Variants in ABLIM1 observed in about 807,000 individuals in gnomAD.
The protein encoded by ABLIM1 is actin binding LIM protein 1.
ABLIM1 carries 40 observed loss-of-function variants against 107.0 expected under a neutral mutation model. The ratio of observed to expected loss-of-function variants is 0.37; its 90% CI spans 0.29 to 0.49. The LOEUF (loss-of-function observed/expected upper bound fraction) is 0.49, where lower values mean the gene tolerates loss of function less well. Ranked by LOEUF, ABLIM1 falls within the 20% of genes least tolerant of loss-of-function variation. ABLIM1 has a pLI of 0.97. For synonymous variants in ABLIM1, 357 were observed against 357.3 expected (o/e 1.00, Z 0.01); for missense variants, 857 against 1,008.5 (o/e 0.85, Z 2.04).
chr10:114,728,672 T>G (rs936635301), intron 1 of ABLIM1, among the ~76,000 whole-genome samples: 4 of 151,768 alleles, frequency 2.6e-5, no homozygotes, highest in African/African-American at 2.4e-5. Context: ...AAAGCTGTGA[T>G]GTGTATTGTT....
At chr10:114,601,438 T>G (rs1433207944) in intron 2 of ABLIM1, among the ~76,000 whole-genome samples, 1 of 151,862 alleles carries the variant, frequency 6.6e-6, no homozygotes, top group Admixed American at 6.6e-5. Flanking sequence ...GCTAATTTTT[T>G]TATTCTTAGT....
chr10:114,475,666 G>C (rs1361246881), intron 8 of ABLIM1, among the ~76,000 whole-genome samples: 2 of 152,176 alleles, frequency 1.3e-5, no homozygotes, highest in African/African-American at 4.8e-5. Flanking sequence ...CTGAGGTAAG[G>C]CTGGTGGGTC....
At chr10:114,526,497 C>A in intron 6 of ABLIM1, 1 of 319,550 alleles carries the variant, frequency 3.1e-6, no homozygotes, top group Non-Finnish European at 4.5e-6. Context: ...AAAAAGTTTA[C>A]ATAAATGTAT....
chr10:114,616,389 T>C (rs1287553356), intron 1 of ABLIM1, among the ~76,000 whole-genome samples: 1 of 152,154 alleles, frequency 6.6e-6, no homozygotes, highest in Non-Finnish European at 1.5e-5. Context: ...TGTTCCCGCA[T>C]CAAAGCATCA....
intron 7 of ABLIM1, 32 bp from the exon 8 acceptor site, chr10:114,488,048 G>T: frequency 1.9e-6 from 3 of 1,611,160 alleles, no homozygotes; most frequent in Non-Finnish European, 2.5e-6. Flanking sequence ...CTAAGAGCCA[G>T]GAAAATGGAA....
chr10:114,696,586 G>A (rs1416900523), intron 1 of ABLIM1, among the ~76,000 whole-genome samples: 21 of 152,186 alleles, frequency 1.4e-4, no homozygotes, highest in Non-Finnish European at 1.5e-5. Context: ...CCCCCATACT[G>A]TTCTCATGGT....
intron 7 of ABLIM1, among the ~76,000 whole-genome samples, chr10:114,489,730 T>C (rs2058676177): frequency 6.6e-6 from 1 of 152,134 alleles, no homozygotes; most frequent in Non-Finnish European, 1.5e-5. Flanking sequence ...GGCACTATTG[T>C]TCTCCAGAGG....
chr10:114,791,312 C>T, the ABLIM1 span, among the ~76,000 whole-genome samples: 1 of 152,168 alleles, frequency 6.6e-6, no homozygotes, highest in Non-Finnish European at 1.5e-5. Flanking sequence ...TCATCGTCTG[C>T]TTTTAAAGGC....
At chr10:114,566,747 A>T (rs2070797993) in intron 4 of ABLIM1, among the ~76,000 whole-genome samples, 1 of 152,132 alleles carries the variant, frequency 6.6e-6, no homozygotes, top group South Asian at 2.1e-4. Flanking sequence ...TGCGTCTATG[A>T]ATAACTTCCT....
chr10:114,782,042 A>C, the ABLIM1 span, among the ~76,000 whole-genome samples: 1 of 152,074 alleles, frequency 6.6e-6, no homozygotes, highest in African/African-American at 2.4e-5. Flanking sequence ...AAAACTAGGG[A>C]TGTTCTGCTT....
At chr10:114,504,391 T>A (rs1048881439) in intron 6 of ABLIM1, among the ~76,000 whole-genome samples, 1 of 147,004 alleles carries the variant, frequency 6.8e-6, no homozygotes, top group Non-Finnish European at 1.5e-5. Context: ...TCCCCCAACA[T>A]CCTGCTACAT....
rs2077357290 is a variant in ABLIM1, at chr10:114,619,863, T to C, written c.245-17902A>G. Reference sequence around the variant, plus strand: ...ATTTAACAGTTGGGTTAGTTCTTAATTGTATCAAGCACCCAAGACAGATGA... The same window carrying C: ...ATTTAACAGTTGGGTTAGTTCTTAACTGTATCAAGCACCCAAGACAGATGA... On this transcript the variant is annotated intron_variant, in intron 1 of 22. Coordinates refer to ENST00000533213, the MANE Select transcript of ABLIM1 (RefSeq NM_002313.7). The surrounding 1 kb of genome is among the most constrained non-coding windows in gnomAD (Gnocchi z 4.1). Among the ~76,000 whole-genome samples the C allele has an allele frequency of 6.6e-6, 1 of 152,262 alleles. No homozygotes were observed. The highest frequency in any genetic ancestry group is 6.5e-5 in the Admixed American group (1 of 15,292).
intron 12 of ABLIM1, among the ~76,000 whole-genome samples, chr10:114,455,493 C>T (rs970759417): frequency 6.6e-6 from 1 of 152,184 alleles, no homozygotes; most frequent in South Asian, 2.1e-4. Context: ...GTATAAAAAA[C>T]ACAGAGGAAA....
At chr10:114,534,215 G>T (rs1365592212) in intron 6 of ABLIM1, among the ~76,000 whole-genome samples, 1 of 152,176 alleles carries the variant, frequency 6.6e-6, no homozygotes, top group African/African-American at 2.4e-5. Context: ...ACAGCAGGAA[G>T]GGGAAGGGTG....
At chr10:114,787,735 G>A in the ABLIM1 span, among the ~76,000 whole-genome samples, 42 of 133,086 alleles carry the variant, frequency 3.2e-4, 3 homozygotes, top group African/African-American at 1.1e-3. Context: ...CCGGCCAGCC[G>A]CCCCGTCCGG....
intron 1 of ABLIM1, among the ~76,000 whole-genome samples, chr10:114,622,151 C>T (rs1476014898): frequency 1.3e-5 from 2 of 152,188 alleles, no homozygotes; most frequent in African/African-American, 2.4e-5. Flanking sequence ...ATCATTTTTC[C>T]AGGAAGGGAG....
chr10:114,677,973 CA>C (rs924878110), intron 1 of ABLIM1, among the ~76,000 whole-genome samples: 7 of 152,100 alleles, frequency 4.6e-5, no homozygotes, highest in African/African-American at 1.7e-4. Flanking sequence ...ATACAACTGA[CA>C]ATAGAAAAAT....
intron 6 of ABLIM1, among the ~76,000 whole-genome samples, chr10:114,520,726 T>C (rs1485232276): frequency 6.6e-6 from 1 of 152,010 alleles, no homozygotes; most frequent in Non-Finnish European, 1.5e-5. Context: ...ATCCCAGCAC[T>C]TCAGGAGGCC....
At chr10:114,758,131 A>G (rs923245116) in intron 1 of ABLIM1, among the ~76,000 whole-genome samples, 2 of 151,976 alleles carry the variant, frequency 1.3e-5, no homozygotes, top group African/African-American at 4.8e-5. Flanking sequence ...TCACCTCTCT[A>G]ATATTCTCCA....
Sources: gnomAD v4.1 joint callset for allele counts (sites outside exome capture counted in the v4.1 genomes callset) on GRCh38, gnomAD v4.1.1 for gene constraint, Gnocchi (gnomAD v3.1) non-coding constraint, MANE v1.5 for transcripts, NCBI Gene and HGNC (gene_info 2026-07-23, HGNC 2026-07-21) for gene names.